SUGCT: variants seen among roughly 807,000 people sequenced by gnomAD.
SUGCT encodes succinyl-CoA:glutarate CoA-transferase.
In SUGCT, 41 loss-of-function variants were observed where a neutral mutation model predicts 55.0. That is an observed-to-expected ratio of 0.74 (90% CI 0.58 to 0.97). SUGCT has a LOEUF of 0.97. Ranked by LOEUF, SUGCT falls within the 50% of genes least tolerant of loss-of-function variation. The pLI, the probability that SUGCT is intolerant of heterozygous loss-of-function variation, is 0.00. For synonymous variants in SUGCT, 187 were observed against 200.4 expected (o/e 0.93, Z 0.56); for missense variants, 568 against 547.8 (o/e 1.04, Z -0.37).
chr7:40,213,259 C>T (rs1159637738), intron 6 of SUGCT, among the ~76,000 whole-genome samples: 1 of 152,120 alleles, frequency 6.6e-6, no homozygotes, highest in Non-Finnish European at 1.5e-5. Context: ...ATGATTATAC[C>T]TCCTTCGATT....
Position 40,527,763 on chromosome 7 carries a change from A to G in SUGCT, c.1089+31377A>G, listed in dbSNP as rs370652326. Among the ~76,000 whole-genome samples the G allele has an allele frequency of 7.2e-5, 11 of 152,286 alleles. No homozygotes were observed. In the East Asian group the frequency reaches 1.2e-3, roughly 16 times the overall value. On this transcript the variant is annotated intron_variant, in intron 12 of 13. Transcript: ENST00000335693. ...CTGTAATTTTTTCATTAGATGATTC[A>G]TGCTTAAAAATGTCAAATGATCAGA...
the SUGCT span, among the ~76,000 whole-genome samples, chr7:41,021,165 T>G: frequency 6.6e-6 from 1 of 152,110 alleles, no homozygotes. Context: ...CTTGAGAAAC[T>G]GAAACTCTGG....
chr7:40,348,357 G>T (rs1258606577), intron 9 of SUGCT, among the ~76,000 whole-genome samples: 2 of 152,202 alleles, frequency 1.3e-5, no homozygotes, highest in Non-Finnish European at 2.9e-5. Flanking sequence ...CTGTGAAATG[G>T]TAAGGGTTTA....
At chr7:40,329,109 G>C (rs1482532338) in intron 9 of SUGCT, among the ~76,000 whole-genome samples, 1 of 152,134 alleles carries the variant, frequency 6.6e-6, no homozygotes, top group Non-Finnish European at 1.5e-5. Context: ...AAATCTTGTT[G>C]AAATTCTGAG....
chr7:40,428,643 A>G (rs1345896350), intron 9 of SUGCT, among the ~76,000 whole-genome samples: 3 of 151,998 alleles, frequency 2.0e-5, no homozygotes, highest in Non-Finnish European at 4.4e-5. Context: ...GTCTCCACCC[A>G]TTTATGTTAT....
intron 9 of SUGCT, among the ~76,000 whole-genome samples, chr7:40,436,806 T>C (rs1286767738): frequency 4.6e-5 from 7 of 152,210 alleles, no homozygotes; most frequent in African/African-American, 1.7e-4. Flanking sequence ...TATAAAGTAG[T>C]AGCTGCTTTT....
intron 9 of SUGCT, among the ~76,000 whole-genome samples, chr7:40,318,695 C>G (rs953509855): frequency 6.6e-6 from 1 of 152,240 alleles, no homozygotes; most frequent in Non-Finnish European, 1.5e-5. Context: ...CCTCGTCCTC[C>G]CAAAGTACTG....
chr7:40,385,941 C>T (rs1785101390), intron 9 of SUGCT, among the ~76,000 whole-genome samples: 1 of 152,080 alleles, frequency 6.6e-6, no homozygotes, highest in Admixed American at 6.6e-5. Context: ...GATGCATATC[C>T]AGATGCTTAA....
At position 40,468,138 on chromosome 7, in the gene SUGCT, C is replaced by T. The variant is rs192844582; in HGVS notation, c.986+8940C>T. ...TTCATAAAGAATGAAACACTTTTTGCGTGTTCCTTAATTGCTACCCTGTGT... is the reference window on the plus strand; with the variant it reads ...TTCATAAAGAATGAAACACTTTTTGTGTGTTCCTTAATTGCTACCCTGTGT... On this transcript the variant is annotated intron_variant, in intron 11 of 13. Transcript: ENST00000335693. 4.6e-4 allele frequency among the ~76,000 whole-genome samples: 70 copies of T among 152,012 alleles called. 1 individual carries two copies. Among genetic ancestry groups the T allele is most frequent in the Non-Finnish European group, 8.2e-4 (56 of 67,962 alleles).
chr7:40,217,401 G>A (rs962310650), intron 6 of SUGCT: 3 of 441,936 alleles, frequency 6.8e-6, no homozygotes, highest in African/African-American at 2.0e-5. Context: ...TTGTAGAGAA[G>A]GGGTTTTCCC....
intron 12 of SUGCT, among the ~76,000 whole-genome samples, chr7:40,746,820 A>T (rs537184131): frequency 6.6e-6 from 1 of 152,342 alleles, no homozygotes; most frequent in South Asian, 2.1e-4. Flanking sequence ...CAACACTATC[A>T]GTTAAGTTAT....
chr7:40,135,022 T>TG lies in SUGCT; in HGVS notation c.3dup (p.Leu2_?1), dbSNP rs775574954. On this transcript the variant is annotated frameshift_variant and start_lost, in exon 1 of 14. Coordinates refer to ENST00000335693, the MANE Select transcript of SUGCT (RefSeq NM_001193313.2). LOFTEE classifies it high-confidence loss of function. ...CCGATGCCATCTGAGACGCACGCGA[T>TG]GCTGGCGACGCTGGCGAGGGTGGCA... 3.7e-5 allele frequency: 58 copies of TG among 1,560,778 alleles called. No individual in the cohort carries two copies. The South Asian group carries it at 6.6e-4, about 18-fold the overall frequency.
the SUGCT span, among the ~76,000 whole-genome samples, chr7:40,932,838 G>A: frequency 6.6e-6 from 1 of 150,774 alleles, no homozygotes; most frequent in Non-Finnish European, 1.5e-5. Context: ...CTGCACATGA[G>A]ATGGGTCTCC....
At chr7:40,591,951 A>G (rs1461562815) in intron 12 of SUGCT, among the ~76,000 whole-genome samples, 3 of 152,208 alleles carry the variant, frequency 2.0e-5, no homozygotes, top group African/African-American at 7.2e-5. Context: ...TCACTTTATT[A>G]CAATACTTGC....
chr7:40,884,258 T>C, the SUGCT span, among the ~76,000 whole-genome samples: 1 of 152,332 alleles, frequency 6.6e-6, no homozygotes, highest in East Asian at 1.9e-4. Flanking sequence ...AGAAAAGACT[T>C]CAGGAACCTT....
intron 9 of SUGCT, among the ~76,000 whole-genome samples, chr7:40,366,646 C>T (rs1379201118): frequency 3.3e-5 from 5 of 152,036 alleles, no homozygotes; most frequent in African/African-American, 1.2e-4. Flanking sequence ...TTTATGCAGC[C>T]AAAAGACACA....
intron 9 of SUGCT, among the ~76,000 whole-genome samples, chr7:40,340,607 AG>A (rs965747506): frequency 6.6e-6 from 1 of 152,204 alleles, no homozygotes; most frequent in African/African-American, 2.4e-5. Context: ...AAGAAGCAAA[AG>A]TAGGGGGAAA....
chr7:40,437,614 A>C (rs1251011233), intron 9 of SUGCT, among the ~76,000 whole-genome samples: 3 of 152,160 alleles, frequency 2.0e-5, no homozygotes, highest in Non-Finnish European at 4.4e-5. Context: ...TCTGTGCCTC[A>C]TTGCCATCTG....
intron 12 of SUGCT, among the ~76,000 whole-genome samples, chr7:40,675,578 G>A (rs990002678): frequency 2.0e-5 from 3 of 152,302 alleles, no homozygotes; most frequent in East Asian, 1.9e-4. Flanking sequence ...GTCTAGTGAG[G>A]CCACTTAAGC....
Sources: allele counts gnomAD v4.1 joint callset (sites outside exome capture counted in the v4.1 genomes callset), GRCh38; gene constraint gnomAD v4.1.1; transcripts MANE v1.5; gene names NCBI Gene and HGNC (gene_info 2026-07-23, HGNC 2026-07-21).